Variants in EOGT observed in about 807,000 individuals in gnomAD.
EOGT encodes EGF domain specific O-linked N-acetylglucosamine transferase, also known as EGF domain-specific O-linked N-acetylglucosamine transferase.
EOGT carries 55 observed loss-of-function variants against 70.5 expected under a neutral mutation model. That is an observed-to-expected ratio of 0.78 (90% CI 0.63 to 0.98). The LOEUF is 0.98. Ranked by LOEUF, EOGT falls within the 50% of genes least tolerant of loss-of-function variation. EOGT has a pLI of 0.00. For missense variants in EOGT, 703 were observed against 641.9 expected, an observed-to-expected ratio of 1.10 and a Z score of -1.03; for synonymous variants, 246 against 217.1, an observed-to-expected ratio of 1.13 and a Z score of -1.17.
chr3:69,009,766 G>A lies in EOGT; in HGVS notation c.81C>T (p.His27=), dbSNP rs751592290. 80 of 1,613,680 alleles carry A rather than the reference G, an allele frequency of 5.0e-5. 1 individual carries two copies. Among genetic ancestry groups the A allele is most frequent in the East Asian group, 2.2e-5 (1 of 44,882 alleles). ...TATACAGAGGTTCGCCTGGAATGCTGTGAGTATTAGGAGGAGCTTCATTCT... is the reference window on the plus strand; with the variant it reads ...TATACAGAGGTTCGCCTGGAATGCTATGAGTATTAGGAGGAGCTTCATTCT... The part of the protein sequence containing the change: ...SGQNEAPPNT[H]SIPGEPLYNY... The change falls in exon 4 of 18, where the codon CAC becomes CAT. Residue 27 remains histidine, a synonymous_variant. Coordinates refer to ENST00000383701, the MANE Select transcript of EOGT (RefSeq NM_001278689.2).
chr3:68,987,612 C>T (rs1161775966), intron 13 of EOGT, 99 bp from the exon 14 acceptor site: 1 of 853,426 alleles, frequency 1.2e-6, no homozygotes, highest in Non-Finnish European at 1.9e-6. Flanking sequence ...AGATGAAACT[C>T]AACCAGGATA....
At chr3:68,986,794 A>G (rs145292802) in intron 14 of EOGT, among the ~76,000 whole-genome samples, 60 of 152,302 alleles carry the variant, frequency 3.9e-4, no homozygotes, top group African/African-American at 1.3e-3. Flanking sequence ...TGTAAGCTCC[A>G]TGAGGTCAGG....
In EOGT at chr3:69,004,488, A is replaced by G. The variant is rs954868043; in HGVS notation, c.516-6T>C. ...GGAAAAAGTCCTCCTTAAATCTGGT[A>G]TATAACAAAACATTAAGTTAAGTTC... On this transcript the variant is annotated splice_polypyrimidine_tract_variant and splice_region_variant and intron_variant, in intron 7 of 17. Transcript: ENST00000383701. 6.2e-7 allele frequency: 1 copy of G among 1,600,054 alleles called. No individual in the cohort carries two copies. Among genetic ancestry groups the G allele is most frequent in the Non-Finnish European group, 8.6e-7 (1 of 1,167,454 alleles).
chr3:68,989,214 T>C (rs138991000), intron 10 of EOGT, among the ~76,000 whole-genome samples, 197 bp from the exon 11 acceptor site: 2 of 152,328 alleles, frequency 1.3e-5, no homozygotes. Flanking sequence ...TCATCAGAAA[T>C]AATTATCACA....
At chr3:68,994,524 G>C (rs1056237404) in intron 10 of EOGT, among the ~76,000 whole-genome samples, 1 of 152,158 alleles carries the variant, frequency 6.6e-6, no homozygotes, top group African/African-American at 2.4e-5. Context: ...GGACACGGTG[G>C]CTCACATCTG....
In EOGT at chr3:68,998,764, G is replaced by C. The variant is rs545764964; in HGVS notation, c.728-650C>G. 1.1e-4 allele frequency among the ~76,000 whole-genome samples: 16 copies of C among 151,202 alleles called. 1 individual carries two copies. In the South Asian group the frequency reaches 3.1e-3, roughly 30 times the overall value. On this transcript the variant is annotated intron_variant, in intron 9 of 17. Coordinates refer to ENST00000383701, the MANE Select transcript of EOGT (RefSeq NM_001278689.2). The stretch of plus-strand genomic sequence containing the variant: ...GGCAGGAGAATTTGCTTGAACCTGG[G>C]AGGTGGAGGCTGCAGTGAACCAAGA...
At chr3:68,991,131 C>T (rs1160825610) in intron 10 of EOGT, among the ~76,000 whole-genome samples, 2 of 152,204 alleles carry the variant, frequency 1.3e-5, no homozygotes, top group African/African-American at 4.8e-5. Context: ...ACTGATCCTT[C>T]CTCAGGGAAG....
chr3:68,980,520 T>C (rs889366357), intron 15 of EOGT, among the ~76,000 whole-genome samples: 3 of 152,166 alleles, frequency 2.0e-5, no homozygotes, highest in African/African-American at 7.2e-5. Context: ...AATGCTGGAA[T>C]AAGGGTGACA....
chr3:68,978,415 C>T lies in EOGT; in HGVS notation c.1355G>A (p.Arg452His), dbSNP rs193201126. The T allele has an allele frequency of 4.5e-5, 73 of 1,610,676 alleles. No homozygotes were observed. In the Admixed American group the frequency reaches 7.6e-4, roughly 17 times the overall value. ...CAGCCTGGCCAAGTCTAAGTAACAG[C>T]GTTCATCTTCACAGTTGTACCTAAG... ...VFELYNCEDE[R>H]CYLDLARLRG... is the part of the protein sequence containing the mutation. The change falls in exon 17 of 18, where the codon CGC (arginine) becomes CAC (histidine). Residue 452 changes from arginine to histidine, a missense_variant. Physicochemically the swap from Arg to His is conservative, Grantham distance 29. Coordinates refer to ENST00000383701, the MANE Select transcript of EOGT (RefSeq NM_001278689.2).
In EOGT at chr3:69,002,729, A is replaced by T. The variant is rs184195356; in HGVS notation, c.621-1015T>A. 2.1e-3 allele frequency among the ~76,000 whole-genome samples: 317 copies of T among 151,416 alleles called. 1 individual carries two copies. Among genetic ancestry groups the T allele is most frequent in the African/African-American group, 7.5e-3 (309 of 41,236 alleles). On this transcript the variant is annotated intron_variant, in intron 8 of 17. Transcript: ENST00000383701. ...GAGTGCAGTGGTGCAATCATAGCTC[A>T]CTGCAGCCTCGACCTCCTGAGCTCA...
chr3:69,009,301 G>A (rs1049575927), intron 4 of EOGT, among the ~76,000 whole-genome samples: 9 of 152,216 alleles, frequency 5.9e-5, no homozygotes, highest in Non-Finnish European at 1.2e-4. Flanking sequence ...CCTCTCATGT[G>A]CCGTTTAAGA....
Position 68,978,444 on chromosome 3 carries a change from A to G in EOGT, c.1335-9T>C, listed in dbSNP as rs1297123888. On this transcript the variant is annotated splice_polypyrimidine_tract_variant and intron_variant, in intron 16 of 17. Coordinates refer to ENST00000383701, the MANE Select transcript of EOGT (RefSeq NM_001278689.2). ...CATCTTCACAGTTGTACCTAAGGAC[A>G]CAAGGGTGTCACAACATGAGGCTTT... The G allele has an allele frequency of 2.5e-6, 4 of 1,575,374 alleles. No homozygotes were observed. The highest frequency in any genetic ancestry group is 3.4e-6 in the Non-Finnish European group (4 of 1,162,812).
chr3:69,008,350 T>G, intron 5 of EOGT, 78 bp downstream of exon 5: 1 of 998,168 alleles, frequency 1.0e-6, no homozygotes, highest in Non-Finnish European at 1.6e-6. Context: ...CAAAAGAATC[T>G]AGCTGGAAAT....
At chr3:68,987,188 C>A (rs1298741667) in intron 14 of EOGT, among the ~76,000 whole-genome samples, 1 of 152,118 alleles carries the variant, frequency 6.6e-6, no homozygotes, top group African/African-American at 2.4e-5. Context: ...GCAGTCAAGG[C>A]AAGATTCTGA....
In EOGT at chr3:69,009,609, A is replaced by G. The variant is rs545445135; in HGVS notation, c.210+28T>C. On this transcript the variant is annotated intron_variant, in intron 4 of 17. Coordinates refer to ENST00000383701, the MANE Select transcript of EOGT (RefSeq NM_001278689.2). ...GCCAGCTGAAATTGCATCCTCATAA[A>G]AATAAGGAGAAAAGAAATAATACCT... 141 of 1,563,958 alleles carry G rather than the reference A, an allele frequency of 9.0e-5. 2 individuals are homozygous for G. Among genetic ancestry groups the G allele is most frequent in the South Asian group, 6.1e-4 (54 of 89,150 alleles).
At chr3:68,986,579 T>C (rs910726360) in intron 14 of EOGT, among the ~76,000 whole-genome samples, 6 of 152,234 alleles carry the variant, frequency 3.9e-5, no homozygotes, top group African/African-American at 7.2e-5. Context: ...TACATTTGAC[T>C]CTGCCCGAGA....
At chr3:68,998,347 G>A (rs979538059) in intron 9 of EOGT, among the ~76,000 whole-genome samples, 1 of 152,076 alleles carries the variant, frequency 6.6e-6, no homozygotes, top group Non-Finnish European at 1.5e-5. Flanking sequence ...TTAAAATCAG[G>A]AATGCATTTT....
At chr3:68,979,816 G>C in intron 15 of EOGT, 29 bp from the exon 16 acceptor site, 1 of 1,608,878 alleles carries the variant, frequency 6.2e-7, no homozygotes, top group Non-Finnish European at 8.5e-7. Flanking sequence ...ACATGAGAGA[G>C]ATGGGGAGAA....
Position 68,978,746 on chromosome 3 carries a change from G to A in EOGT, c.1335-311C>T, listed in dbSNP as rs181328076. 1.0e-3 allele frequency among the ~76,000 whole-genome samples: 158 copies of A among 152,236 alleles called. 1 individual carries two copies. Among genetic ancestry groups the A allele is most frequent in the African/African-American group, 3.7e-3 (155 of 41,552 alleles). On this transcript the variant is annotated intron_variant, in intron 16 of 17. Coordinates refer to ENST00000383701, the MANE Select transcript of EOGT (RefSeq NM_001278689.2). ...TCTTTAAATGTATGAAAGAGGCAAG[G>A]GGGATAGGTAACACTTCCAAGGTCA... is the stretch of plus-strand genomic sequence containing the variant.
Sources: allele counts gnomAD v4.1 joint callset (sites outside exome capture counted in the v4.1 genomes callset), GRCh38; gene constraint gnomAD v4.1.1; transcripts MANE v1.5; gene names NCBI Gene and HGNC (gene_info 2026-07-23, HGNC 2026-07-21).